The following SPECC1 variants were observed in gnomAD, a reference collection of about 807,000 sequenced individuals.
The protein encoded by SPECC1 is cytospin-B.
SPECC1 carries 62 observed loss-of-function variants against 104.1 expected under a neutral mutation model. That is an observed-to-expected ratio of 0.60 (90% CI 0.49 to 0.74). The LOEUF (loss-of-function observed/expected upper bound fraction) is 0.74, where lower values mean the gene tolerates loss of function less well. SPECC1 is among the 30% of genes least tolerant of loss of function. SPECC1 has a pLI of 0.00. For synonymous variants in SPECC1, 513 were observed against 501.6 expected (o/e 1.02, Z -0.30); for missense variants, 1,306 against 1,310.5 (o/e 1.00, Z 0.05).
chr17:20,295,114 G>A (rs2041304183), intron 12 of SPECC1, among the ~76,000 whole-genome samples: 1 of 151,624 alleles, frequency 6.6e-6, no homozygotes, highest in Non-Finnish European at 1.5e-5. Context: ...TTGGTGTCCT[G>A]CACCCATTAA....
At chr17:20,188,591 T>C (rs994342369) in intron 3 of SPECC1, among the ~76,000 whole-genome samples, 2 of 152,020 alleles carry the variant, frequency 1.3e-5, no homozygotes, top group Admixed American at 6.5e-5. Context: ...TTAGAAGATA[T>C]ACTTATGATG....
At chr17:20,109,712 C>G (rs189659473) in intron 2 of SPECC1, among the ~76,000 whole-genome samples, 2 of 152,300 alleles carry the variant, frequency 1.3e-5, no homozygotes, top group South Asian at 4.1e-4. Context: ...CTCCCTCCAC[C>G]TCCTCCTGGC....
chr17:20,201,546 G>A (rs1387469731), intron 3 of SPECC1, among the ~76,000 whole-genome samples: 3 of 152,140 alleles, frequency 2.0e-5, no homozygotes, highest in South Asian at 4.1e-4. Context: ...AATAACAAAT[G>A]CCAGTGTGAT....
At chr17:20,152,989 CCTG>C (rs1165006086) in intron 3 of SPECC1, among the ~76,000 whole-genome samples, 4 of 152,166 alleles carry the variant, frequency 2.6e-5, no homozygotes. Context: ...GGCCACCTAT[CCTG>C]CTAGATTAGG....
intron 3 of SPECC1, among the ~76,000 whole-genome samples, chr17:20,163,080 A>G (rs1021606552): frequency 1.6e-4 from 24 of 152,232 alleles, no homozygotes; most frequent in Non-Finnish European, 2.9e-5. Context: ...ATGGTAATAC[A>G]TAGTAAAAAA....
intron 2 of SPECC1, among the ~76,000 whole-genome samples, chr17:20,108,107 T>C (rs755283225): frequency 6.6e-6 from 1 of 152,186 alleles, no homozygotes; most frequent in Non-Finnish European, 1.5e-5. Flanking sequence ...TTTCTGGAGA[T>C]GGATGGTGGT....
At position 20,253,560 on chromosome 17, in the gene SPECC1, TG is replaced by T; in HGVS notation, c.2656del (p.Asp886ThrfsTer11). 6.2e-7 allele frequency: 1 copy of T among 1,614,072 alleles called. No individual in the cohort carries two copies. Among genetic ancestry groups the T allele is most frequent in the Non-Finnish European group, 8.5e-7 (1 of 1,180,026 alleles). ...RPASRGVTQRLDLPDLPLSDI... is the reference protein window; with the variant it reads ...RPASRGVTQRXDLPDLPLSDI... The stretch of plus-strand genomic sequence containing the variant: ...GCCAGCAGAGGGGTGACTCAACGCT[TG>T]GACCTTCCTGACCTTCCCCTCTCAG... On this transcript the variant is annotated frameshift_variant, in exon 10 of 15. Coordinates refer to ENST00000395527, the MANE Select transcript of SPECC1 (RefSeq NM_001243439.2). LOFTEE classifies it high-confidence loss of function.
intron 1 of SPECC1, among the ~76,000 whole-genome samples, chr17:20,069,078 G>A (rs2046457241): frequency 6.6e-6 from 1 of 152,206 alleles, no homozygotes; most frequent in African/African-American, 2.4e-5. Flanking sequence ...AGTAAGCCCA[G>A]TACCCAACAG....
intron 3 of SPECC1, among the ~76,000 whole-genome samples, chr17:20,132,509 A>G (rs2049697276): frequency 1.3e-5 from 2 of 149,536 alleles, no homozygotes; most frequent in Non-Finnish European, 3.0e-5. Flanking sequence ...AATATTCTCT[A>G]CTTAGAAGTT....
At chr17:20,114,436 T>C (rs1201692991) in intron 3 of SPECC1, among the ~76,000 whole-genome samples, 2 of 152,094 alleles carry the variant, frequency 1.3e-5, no homozygotes, top group Non-Finnish European at 2.9e-5. Flanking sequence ...GTGATCCACC[T>C]GCCTTAGCCT....
At chr17:20,122,451 A>T (rs2049083014) in intron 3 of SPECC1, among the ~76,000 whole-genome samples, 1 of 152,098 alleles carries the variant, frequency 6.6e-6, no homozygotes. Context: ...TCTGAAGGGG[A>T]GAGCCAGCTG....
At chr17:20,051,068 TTTTCTTTCTTTCTTTC>T (rs71157856) in intron 1 of SPECC1, among the ~76,000 whole-genome samples, 3,949 of 89,300 alleles carry the variant, frequency 0.044, 137 homozygotes, top group East Asian at 0.086. Flanking sequence ...CTTTCTTTCT[TTTTCTTTCTTTCTTTC>T]TTTCTTTCTT....
chr17:20,070,736 C>T (rs961747835), intron 1 of SPECC1, among the ~76,000 whole-genome samples: 1 of 152,050 alleles, frequency 6.6e-6, no homozygotes, highest in Non-Finnish European at 1.5e-5. Context: ...TTGTAGGATA[C>T]ATTCCTACAA....
In SPECC1 at chr17:20,051,074, TTCTTTCTTTCTTTC is replaced by T. The variant is rs1283790593; in HGVS notation, c.-22+41652_-22+41665del. Among the ~76,000 whole-genome samples the T allele has an allele frequency of 9.0e-3, 579 of 64,212 alleles. 11 individuals are homozygous for T. Among genetic ancestry groups the T allele is most frequent in the South Asian group, 0.011 (17 of 1,542 alleles). 42.1% of individuals were successfully genotyped at this position (64,212 alleles called of 152,430 possible). Reference sequence around the variant, plus strand: ...TCTTTCTTTCTTTCTTTCTTTTTCTTTCTTTCTTTCTTTCTTTCTTTCTTTCTTTCTTTCTTTCT... The same window carrying T: ...TCTTTCTTTCTTTCTTTCTTTTTCTTTTTCTTTCTTTCTTTCTTTCTTTCT... On this transcript the variant is annotated intron_variant, in intron 1 of 14. Transcript: ENST00000395527.
intron 1 of SPECC1, among the ~76,000 whole-genome samples, chr17:20,071,561 ATTGT>A (rs2046554431): frequency 6.6e-6 from 1 of 152,190 alleles, no homozygotes; most frequent in South Asian, 2.1e-4. Context: ...CATTTATAAA[ATTGT>A]TTGCAGAGAA....
rs2042053047 is a variant in SPECC1 at position 20,317,259 on chromosome 17, A to ATTTTTTTTTTGTTTTTTTTTTTT, written c.*3204_*3205insGTTTTTTTTTTTTTTTTTTTTTT. The ATTTTTTTTTTGTTTTTTTTTTTT allele has an allele frequency of 1.4e-5, 1 of 69,506 alleles. No individual in the cohort carries two copies. The highest frequency in any genetic ancestry group is 2.3e-5 in the Non-Finnish European group (1 of 42,610). 4.3% of individuals were successfully genotyped at this position (69,506 alleles called of 1,614,324 possible). A position where few individuals can be genotyped will look rare whatever the true frequency, so the allele number is the denominator to read the frequency against. ...GCAAGACCTCTGACTCTATAAAAAA[A>ATTTTTTTTTTGTTTTTTTTTTTT]TTTTTTTTTTTTTTTTTTTTTGAGA... On this transcript the variant is annotated 3_prime_UTR_variant, in exon 15 of 15. Coordinates refer to ENST00000395527, the MANE Select transcript of SPECC1 (RefSeq NM_001243439.2).
chr17:20,287,184 G>C (rs1473587615), intron 12 of SPECC1, among the ~76,000 whole-genome samples: 2 of 152,180 alleles, frequency 1.3e-5, no homozygotes, highest in African/African-American at 4.8e-5. Context: ...TTGGGAGGCC[G>C]AGGCGGGTGG....
intron 3 of SPECC1, among the ~76,000 whole-genome samples, chr17:20,175,041 T>G (rs2034372464): frequency 6.6e-6 from 1 of 152,180 alleles, no homozygotes; most frequent in South Asian, 2.1e-4. Context: ...CAGAGGCCCC[T>G]GGACAGCCTG....
chr17:20,243,382 T>C (rs2039285935), intron 7 of SPECC1, among the ~76,000 whole-genome samples: 1 of 152,196 alleles, frequency 6.6e-6, no homozygotes, highest in South Asian at 2.1e-4. Context: ...TAAGACTTCA[T>C]TTATGGCTGA....
Sources: gnomAD v4.1 joint callset for allele counts (sites outside exome capture counted in the v4.1 genomes callset) on GRCh38, gnomAD v4.1.1 for gene constraint, MANE v1.5 for transcripts, NCBI Gene and HGNC (gene_info 2026-07-23, HGNC 2026-07-21) for gene names.